The following HIBCH variants were observed in gnomAD, a reference collection of about 807,000 sequenced individuals.
HIBCH encodes 3-hydroxyisobutyryl-CoA hydrolase, mitochondrial.
A neutral mutation model predicts 58.2 loss-of-function variants in HIBCH; 50 were observed. That is an observed-to-expected ratio of 0.86 (90% CI 0.68 to 1.09). The LOEUF is 1.09. Ranked by LOEUF, HIBCH falls within the 50% of genes least tolerant of loss-of-function variation. The pLI is 0.00. For synonymous variants in HIBCH, 151 were observed against 146.9 expected (o/e 1.03, Z -0.20); for missense variants, 450 against 449.7 (o/e 1.00, Z -0.01).
At chr2:190,224,406 C>T (rs1450545035) in intron 11 of HIBCH, among the ~76,000 whole-genome samples, 1 of 152,030 alleles carries the variant, frequency 6.6e-6, no homozygotes, top group African/African-American at 2.4e-5. Context: ...TGTGCAGAGA[C>T]ACACACAGGC....
chr2:190,233,023 C>T (rs1328889416), intron 11 of HIBCH, among the ~76,000 whole-genome samples: 1 of 151,936 alleles, frequency 6.6e-6, no homozygotes, highest in Non-Finnish European at 1.5e-5. Context: ...CCTGTGAGTC[C>T]TTCTAGTGGG....
intron 2 of HIBCH, among the ~76,000 whole-genome samples, chr2:190,305,991 G>T (rs189651579): frequency 6.6e-6 from 1 of 152,072 alleles, no homozygotes; most frequent in Non-Finnish European, 1.5e-5. Context: ...TAAACTATTA[G>T]CAAAAATGGA....
chr2:190,248,676 A>T (rs892730174), intron 9 of HIBCH, among the ~76,000 whole-genome samples: 1 of 152,078 alleles, frequency 6.6e-6, no homozygotes, highest in Non-Finnish European at 1.5e-5. Flanking sequence ...AGCCTGGCCA[A>T]CATGGTGAAA....
chr2:190,248,262 C>G (rs377182546), intron 9 of HIBCH, among the ~76,000 whole-genome samples: 2 of 152,184 alleles, frequency 1.3e-5, no homozygotes, highest in East Asian at 3.9e-4. Context: ...ATGGGATTCT[C>G]AATTGTGTTA....
At chr2:190,307,816 G>T (rs1286515128) in intron 2 of HIBCH, among the ~76,000 whole-genome samples, 3 of 152,188 alleles carry the variant, frequency 2.0e-5, no homozygotes, top group African/African-American at 4.8e-5. Context: ...GCTTTCATTA[G>T]CTTGACAAAC....
At chr2:190,233,784 A>T (rs183396332) in intron 11 of HIBCH, among the ~76,000 whole-genome samples, 2 of 152,368 alleles carry the variant, frequency 1.3e-5, no homozygotes, top group East Asian at 3.9e-4. Context: ...CAACTTCATT[A>T]ATCAACATGG....
chr2:190,227,606 A>C (rs557313498), intron 11 of HIBCH, among the ~76,000 whole-genome samples: 5 of 152,356 alleles, frequency 3.3e-5, no homozygotes, highest in African/African-American at 1.2e-4. Flanking sequence ...CTACCATCGG[A>C]GTGAACAGGC....
At chr2:190,212,109 G>A (rs189701506) in intron 12 of HIBCH, among the ~76,000 whole-genome samples, 104 of 152,260 alleles carry the variant, frequency 6.8e-4, no homozygotes, top group Admixed American at 6.3e-3. Flanking sequence ...TCCTTCTAGA[G>A]ATACCATAAG....
At chr2:190,235,874 T>A (rs1202205176) in intron 11 of HIBCH, among the ~76,000 whole-genome samples, 2 of 152,196 alleles carry the variant, frequency 1.3e-5, no homozygotes, top group Non-Finnish European at 2.9e-5. Flanking sequence ...ATTGTTTATG[T>A]GTGTGTTCCA....
chr2:190,259,365 G>GTGTGTGTGTC lies in HIBCH; in HGVS notation c.517+1790_517+1791insGACACACACA, dbSNP rs1305957511. Among the ~76,000 whole-genome samples, 14 of 141,242 alleles carry GTGTGTGTGTC rather than the reference G, an allele frequency of 9.9e-5. No homozygotes were observed. The East Asian group carries it at 1.4e-3, about 15-fold the overall frequency. The allele number at this position is 141,242 out of a possible 152,430, so 92.7% of individuals were successfully genotyped here. On this transcript the variant is annotated intron_variant, in intron 7 of 13. Transcript: ENST00000359678. ...TGTGTGTGTGTGTGTGTGTGTGTGTGTGTCTGTCTGACTGACATGGTCTGG... is the reference window on the plus strand; with the variant it reads ...TGTGTGTGTGTGTGTGTGTGTGTGTGTGTGTGTGTCTGTCTGTCTGACTGACATGGTCTGG...
downstream of HIBCH, chr2:190,201,451 A>C (rs1264694825): frequency 6.0e-6 from 1 of 167,042 alleles, no homozygotes; most frequent in African/African-American, 2.4e-5. Flanking sequence ...GAAATTATTT[A>C]AGCCTGTGTA....
chr2:190,283,589 T>C (rs931525718), intron 6 of HIBCH, among the ~76,000 whole-genome samples: 3 of 152,160 alleles, frequency 2.0e-5, no homozygotes, highest in South Asian at 2.1e-4. Context: ...TTATAACATA[T>C]TGTAAATATT....
chr2:190,242,807 ATCTT>A (rs1686490730), intron 11 of HIBCH, among the ~76,000 whole-genome samples: 1 of 152,178 alleles, frequency 6.6e-6, no homozygotes, highest in Admixed American at 6.5e-5. Flanking sequence ...CTAAGAAAAT[ATCTT>A]TATTTCCTTT....
At chr2:190,200,154 T>C (rs574531740), downstream of HIBCH, 14 of 1,611,914 alleles carry the variant, frequency 8.7e-6, no homozygotes, top group East Asian at 2.9e-4. Context: ...CTTGAGGCTG[T>C]AGGATGACAA....
intron 7 of HIBCH, among the ~76,000 whole-genome samples, chr2:190,252,523 T>C (rs1332884375): frequency 6.6e-6 from 1 of 152,232 alleles, no homozygotes; most frequent in Non-Finnish European, 1.5e-5. Context: ...TCATGTCTCA[T>C]TTCTATAGAA....
downstream of HIBCH, chr2:190,199,876 TCAAAG>T (rs1559003710): frequency 2.5e-6 from 4 of 1,613,688 alleles, no homozygotes; most frequent in Non-Finnish European, 3.4e-6. Flanking sequence ...CTGCATGAAA[TCAAAG>T]CAAACTTTCC....
rs553461468 is a variant in HIBCH, at chr2:190,296,835, C to T, written c.197G>A (p.Arg66Gln). The T allele has an allele frequency of 1.4e-5, 22 of 1,613,866 alleles. No individual in the cohort carries two copies. The highest frequency in any genetic ancestry group is 1.1e-4 in the African/African-American group (8 of 75,000). ...AACCTTTAGCTGTGGATAAATCTGC[C>T]GAATCATATTAAGAGTCAGTGCATT... ...FLNALTLNMIRQIYPQLKKWE... is the reference protein window; with the variant it reads ...FLNALTLNMIQQIYPQLKKWE... The change falls in exon 3 of 14, where the codon CGG (arginine) becomes CAG (glutamine). Residue 66 changes from arginine (R) to glutamine (Q), a missense_variant. By Grantham distance (43) the Arg-to-Gln change is conservative. Transcript: ENST00000359678.
chr2:190,316,495 A>C (rs897669297), intron 1 of HIBCH, among the ~76,000 whole-genome samples: 10 of 152,214 alleles, frequency 6.6e-5, no homozygotes, highest in African/African-American at 2.4e-4. Context: ...ACAGAAAAAA[A>C]CTACTAACAT....
intron 6 of HIBCH, among the ~76,000 whole-genome samples, chr2:190,272,911 T>A (rs1305266185): frequency 1.3e-5 from 2 of 152,044 alleles, no homozygotes; most frequent in African/African-American, 4.8e-5. Flanking sequence ...GACAGACAAG[T>A]AGTAAAATAC....
Sources: gnomAD v4.1 joint callset for allele counts (sites outside exome capture counted in the v4.1 genomes callset) on GRCh38, gnomAD v4.1.1 for gene constraint, MANE v1.5 for transcripts, NCBI Gene and HGNC (gene_info 2026-07-23, HGNC 2026-07-21) for gene names.